MEI4: variants seen among roughly 807,000 people sequenced by gnomAD.
The protein encoded by MEI4 is meiosis-specific protein MEI4.
MEI4 carries 27 observed loss-of-function variants against 31.4 expected under a neutral mutation model. The observed-to-expected ratio is 0.86, with a 90% confidence interval of 0.63 to 1.19. The LOEUF (loss-of-function observed/expected upper bound fraction) is 1.19. Ranked by LOEUF, MEI4 falls within the 50% of genes most tolerant of loss-of-function variation. MEI4 has a pLI of 0.00. For synonymous variants in MEI4, 122 were observed against 145.4 expected, an observed-to-expected ratio of 0.84 and a Z score of 1.16; for missense variants, 329 against 398.9, an observed-to-expected ratio of 0.82 and a Z score of 1.49.
chr6:77,897,407 C>T (rs1001874699), intron 4 of MEI4, among the ~76,000 whole-genome samples: 4 of 151,850 alleles, frequency 2.6e-5, no homozygotes, highest in Admixed American at 2.6e-4. Flanking sequence ...TTGCTATTAC[C>T]TTGTTACATA....
intron 2 of MEI4, among the ~76,000 whole-genome samples, chr6:77,692,129 A>G (rs1184855888): frequency 2.0e-5 from 3 of 151,606 alleles, no homozygotes; most frequent in African/African-American, 7.3e-5. Context: ...AGCCCTTGAA[A>G]TCTCTTTATT....
chr6:77,709,481 A>G (rs901466789), intron 2 of MEI4, among the ~76,000 whole-genome samples: 4 of 152,198 alleles, frequency 2.6e-5, no homozygotes, highest in Non-Finnish European at 2.9e-5. Flanking sequence ...TTCTATGTAA[A>G]TTATAATACA....
At chr6:77,905,656 C>A (rs1041308539) in intron 4 of MEI4, among the ~76,000 whole-genome samples, 2 of 151,620 alleles carry the variant, frequency 1.3e-5, no homozygotes, top group African/African-American at 4.8e-5. Context: ...GCCAGCATGC[C>A]TAGCTAATTT....
intron 3 of MEI4, among the ~76,000 whole-genome samples, chr6:77,803,818 A>T (rs1231130472): frequency 2.0e-4 from 30 of 152,076 alleles, no homozygotes; most frequent in African/African-American, 7.2e-4. Flanking sequence ...TTGCTGCCCG[A>T]TCGTTCCTAT....
At chr6:77,861,248 T>C (rs1033017640) in intron 4 of MEI4, among the ~76,000 whole-genome samples, 9 of 152,222 alleles carry the variant, frequency 5.9e-5, no homozygotes, top group Non-Finnish European at 8.8e-5. Context: ...GTACTGGTGA[T>C]CTTGTGATTT....
intron 4 of MEI4, among the ~76,000 whole-genome samples, chr6:77,866,338 C>CT (rs1396315570): frequency 9.2e-5 from 14 of 152,140 alleles, no homozygotes; most frequent in Non-Finnish European, 1.8e-4. Context: ...ACCCCATTGT[C>CT]TCAGCCCAAA....
At chr6:77,751,810 C>G (rs1021257423) in intron 2 of MEI4, among the ~76,000 whole-genome samples, 2 of 151,972 alleles carry the variant, frequency 1.3e-5, no homozygotes, top group African/African-American at 2.4e-5. Context: ...AGAGACACAA[C>G]AAAAAAAGAA....
At chr6:77,875,456 T>G (rs561201110) in intron 4 of MEI4, among the ~76,000 whole-genome samples, 2 of 152,194 alleles carry the variant, frequency 1.3e-5, no homozygotes, top group Non-Finnish European at 2.9e-5. Context: ...GTTTTAGCTT[T>G]TTGCTATATT....
chr6:77,819,944 C>T (rs557176226), intron 3 of MEI4, among the ~76,000 whole-genome samples: 1 of 152,144 alleles, frequency 6.6e-6, no homozygotes, highest in South Asian at 2.1e-4. Context: ...CAATATCTTA[C>T]TTTTACGTGT....
At chr6:77,703,614 AG>A (rs965846757) in intron 2 of MEI4, among the ~76,000 whole-genome samples, 23 of 152,200 alleles carry the variant, frequency 1.5e-4, no homozygotes, top group Admixed American at 1.3e-3. Context: ...GTTTTTGATA[AG>A]TTTCTACTAG....
intron 4 of MEI4, among the ~76,000 whole-genome samples, chr6:77,837,735 A>G (rs988401017): frequency 1.3e-5 from 2 of 152,212 alleles, no homozygotes; most frequent in African/African-American, 4.8e-5. Context: ...TGATTTAAAC[A>G]AACCAAAAAA....
chr6:77,914,792 C>T (rs1185492293), intron 4 of MEI4, among the ~76,000 whole-genome samples: 1 of 152,048 alleles, frequency 6.6e-6, no homozygotes, highest in East Asian at 1.9e-4. Context: ...ATTGTCCTAT[C>T]TTCGTGGTGT....
At chr6:77,851,894 C>T (rs1770634486) in intron 4 of MEI4, among the ~76,000 whole-genome samples, 1 of 151,976 alleles carries the variant, frequency 6.6e-6, no homozygotes, top group African/African-American at 2.4e-5. Flanking sequence ...ACATATATTC[C>T]TATTGGAATA....
At chr6:77,852,366 G>A (rs1770646288) in intron 4 of MEI4, among the ~76,000 whole-genome samples, 1 of 152,168 alleles carries the variant, frequency 6.6e-6, no homozygotes, top group Non-Finnish European at 1.5e-5. Flanking sequence ...CAGTGCAAAT[G>A]TTGACACAGT....
chr6:77,707,618 G>A (rs1206316003), intron 2 of MEI4, among the ~76,000 whole-genome samples: 1 of 152,182 alleles, frequency 6.6e-6, no homozygotes, highest in Non-Finnish European at 1.5e-5. Context: ...GGGAAAAAGG[G>A]CCTCAAAAGC....
intron 4 of MEI4, among the ~76,000 whole-genome samples, chr6:77,888,628 C>CT (rs759667938): frequency 6.6e-6 from 1 of 151,892 alleles, no homozygotes; most frequent in African/African-American, 2.4e-5. Flanking sequence ...GGCTGACAGA[C>CT]TTTTTTTTCA....
At chr6:77,744,700 T>C (rs1162351428) in intron 2 of MEI4, among the ~76,000 whole-genome samples, 1 of 152,104 alleles carries the variant, frequency 6.6e-6, no homozygotes, top group Admixed American at 6.5e-5. Context: ...AAGGAAAAAT[T>C]GTTAAGGGCA....
chr6:77,797,959 G>A (rs1349466336), intron 3 of MEI4, among the ~76,000 whole-genome samples: 1 of 152,066 alleles, frequency 6.6e-6, no homozygotes, highest in East Asian at 1.9e-4. Context: ...AGTAAAGTAA[G>A]AGTCTCACAC....
At chr6:77,845,732 C>T (rs1364226617) in intron 4 of MEI4, among the ~76,000 whole-genome samples, 1 of 151,580 alleles carries the variant, frequency 6.6e-6, no homozygotes, top group Admixed American at 6.6e-5. Context: ...TATTTTAATA[C>T]CTAATTATTT....
Sources: allele counts gnomAD v4.1 joint callset (sites outside exome capture counted in the v4.1 genomes callset), GRCh38; gene constraint gnomAD v4.1.1; transcripts MANE v1.5; gene names NCBI Gene and HGNC (gene_info 2026-07-23, HGNC 2026-07-21).